The following CMYA5 variants were observed in gnomAD, a reference collection of about 807,000 sequenced individuals.
The protein encoded by CMYA5 is cardiomyopathy associated 5.
A neutral mutation model predicts 318.9 loss-of-function variants in CMYA5; 246 were observed. The observed-to-expected ratio is 0.77, with a 90% confidence interval of 0.70 to 0.86. The LOEUF is 0.86. Among genes scored for constraint, CMYA5 ranks in the 40% least tolerant of loss-of-function variants. The probability of loss-of-function intolerance (pLI) is 0.00; values close to 1 mark genes in which losing one functional copy is unlikely to be tolerated. For synonymous variants in CMYA5, 1,641 were observed against 1,729.5 expected, an observed-to-expected ratio of 0.95 and a Z score of 1.27; for missense variants, 4,589 against 4,678.2, an observed-to-expected ratio of 0.98 and a Z score of 0.56.
chr5:79,756,633 C>T (rs1828535809), intron 6 of CMYA5, among the ~76,000 whole-genome samples: 1 of 152,132 alleles, frequency 6.6e-6, no homozygotes, highest in Non-Finnish European at 1.5e-5. Flanking sequence ...TTCTGCTTCT[C>T]GTTTTTCACA....
At position 79,734,891 on chromosome 5, in the gene CMYA5, A is replaced by G; in HGVS notation, c.6126A>G (p.Leu2042=). The change falls in exon 2 of 13, where the codon CTA becomes CTG. Residue 2042 remains leucine, a synonymous_variant. Coordinates refer to ENST00000446378, the MANE Select transcript of CMYA5 (RefSeq NM_153610.5). ...SKEDSQEKIK[L]PPERFFQKPV... is the part of the protein sequence containing the mutation. Reference sequence around the variant, plus strand: ...AAGATAGCCAGGAAAAAATTAAACTACCTCCTGAAAGATTCTTCCAGAAAC... The same window carrying G: ...AAGATAGCCAGGAAAAAATTAAACTGCCTCCTGAAAGATTCTTCCAGAAAC... The G allele has an allele frequency of 6.2e-7, 1 of 1,613,714 alleles. No individual in the cohort carries two copies. Among genetic ancestry groups the G allele is most frequent in the Non-Finnish European group, 8.5e-7 (1 of 1,179,770 alleles).
intron 12 of CMYA5, among the ~76,000 whole-genome samples, chr5:79,794,347 C>A (rs1829237264): frequency 6.6e-6 from 1 of 152,130 alleles, no homozygotes; most frequent in Non-Finnish European, 1.5e-5. Context: ...TCTATATTAC[C>A]TGTATTGTTT....
chr5:79,776,395 C>G (rs534405433), intron 9 of CMYA5, among the ~76,000 whole-genome samples: 22 of 152,126 alleles, frequency 1.4e-4, no homozygotes, highest in Non-Finnish European at 2.5e-4. Flanking sequence ...TCCATATTGA[C>G]AGTTAGTTAA....
chr5:79,735,403 C>G lies in CMYA5; in HGVS notation c.6638C>G (p.Ala2213Gly). The G allele has an allele frequency of 6.2e-7, 1 of 1,613,870 alleles. No homozygotes were observed. The highest frequency in any genetic ancestry group is 8.5e-7 in the Non-Finnish European group (1 of 1,179,790). ...ETQPSPSVEK[A>G]VTVIDPEGTI... ...CAGCCAAGTCCATCCGTAGAAAAAG[C>G]AGTGACTGTGATAGATCCTGAAGGT... The change falls in exon 2 of 13, where the codon GCA becomes GGA. Residue 2213 changes from alanine to glycine, a missense_variant. This residue lies in a region of CMYA5 where 2,431 missense variants were observed against 2,495.1 expected (regional missense o/e 0.97). Coordinates refer to ENST00000446378, the MANE Select transcript of CMYA5 (RefSeq NM_153610.5).
At position 79,708,951 on chromosome 5, in the gene CMYA5, T is replaced by A. The variant is rs561981266; in HGVS notation, c.149+18895T>A. The stretch of plus-strand genomic sequence containing the variant: ...AGCAAGACCCTGTCTCAATTTTTTT[T>A]AAATTTAATTTAATTTAGTTTTTTA... On this transcript the variant is annotated intron_variant, in intron 1 of 12. Coordinates refer to ENST00000446378, the MANE Select transcript of CMYA5 (RefSeq NM_153610.5). 1.1e-4 allele frequency among the ~76,000 whole-genome samples: 17 copies of A among 152,312 alleles called. No individual in the cohort carries two copies. The East Asian group carries it at 1.2e-3, about 10-fold the overall frequency.
rs371922369 is a variant in CMYA5, at chr5:79,729,172, A to T, written c.407A>T (p.His136Leu). ...DEVKKVRKRTHKSKHGSPSLR... is the reference protein window; with the variant it reads ...DEVKKVRKRTLKSKHGSPSLR... ...GTGAAAAAGGTTCGGAAAAGGACTC[A>T]TAAGTCAAAGCATGGTTCACCATCA... The change falls in exon 2 of 13, where the codon CAT becomes CTT. Residue 136 changes from histidine to leucine, a missense_variant. By Grantham distance (99) the His-to-Leu change is moderately conservative. Transcript: ENST00000446378. The T allele has an allele frequency of 8.7e-6, 14 of 1,612,742 alleles. No homozygotes were observed. The African/African-American group carries it at 1.7e-4, about 20-fold the overall frequency.
Position 79,737,295 on chromosome 5 carries a change from GA to G in CMYA5, c.8533del (p.Arg2845GlyfsTer37). ...KEMPRSELTP[E>X]RHTVHTIQTS... is the part of the protein sequence containing the mutation. Reference sequence around the variant, plus strand: ...AATGCCACGATCAGAATTGACTCCAGAAAGGCATACAGTTCATACTATTCAG... The same window carrying G: ...AATGCCACGATCAGAATTGACTCCAGAAGGCATACAGTTCATACTATTCAG... On this transcript the variant is annotated frameshift_variant, in exon 2 of 13. Coordinates refer to ENST00000446378, the MANE Select transcript of CMYA5 (RefSeq NM_153610.5). LOFTEE classifies it high-confidence loss of function. 6.2e-7 allele frequency: 1 copy of G among 1,613,804 alleles called. No homozygotes were observed. The highest frequency in any genetic ancestry group is 8.5e-7 in the Non-Finnish European group (1 of 1,179,792).
At position 79,733,767 on chromosome 5, in the gene CMYA5, G is replaced by T. The variant is rs760310282; in HGVS notation, c.5002G>T (p.Val1668Phe). 3.7e-6 allele frequency: 6 copies of T among 1,613,416 alleles called. No individual in the cohort carries two copies. Among genetic ancestry groups the T allele is most frequent in the Non-Finnish European group, 8.5e-7 (1 of 1,179,726 alleles). Reference protein sequence around the residue: ...KSPITETEDSVLEKGPAELRS... With the variant: ...KSPITETEDSFLEKGPAELRS... ...TCCCATAACTGAAACAGAGGATTCT[G>T]TTTTAGAAAAAGGCCCAGCTGAGCT... Residue 1668 changes from valine to phenylalanine, a missense_variant, in exon 2 of 13, where the codon GTT (valine) becomes TTT (phenylalanine). Val to Phe is a conservative substitution (Grantham distance 50, BLOSUM62 -1). Coordinates refer to ENST00000446378, the MANE Select transcript of CMYA5 (RefSeq NM_153610.5).
Position 79,793,550 on chromosome 5 carries a change from A to G in CMYA5, c.11903A>G (p.Gln3968Arg). 1.9e-6 allele frequency: 3 copies of G among 1,613,840 alleles called. No individual in the cohort carries two copies. Among genetic ancestry groups the G allele is most frequent in the Non-Finnish European group, 1.7e-6 (2 of 1,179,786 alleles). Residue 3968 changes from glutamine to arginine, a missense_variant, in exon 12 of 13, where the codon CAG becomes CGG. This residue lies in a region of CMYA5 where 2,431 missense variants were observed against 2,495.1 expected (regional missense o/e 0.97). Coordinates refer to ENST00000446378, the MANE Select transcript of CMYA5 (RefSeq NM_153610.5). ...RLGICSSSAV[Q>R]AGALGQGETS... is the part of the protein sequence containing the mutation. ...GGCATCTGCTCCAGCTCGGCTGTGC[A>G]GGCAGGTGCCCTAGGACAAGGGGAG...
In CMYA5 at chr5:79,738,424, A is replaced by G; in HGVS notation, c.9659A>G (p.Glu3220Gly). ...TCTGAAGGTGACAGTGTGAATTCTG[A>G]GGCATCATTTCCCAGCAGAAATTCT... The part of the protein sequence containing the change: ...TASEGDSVNS[E>G]ASFPSRNSDT... The change falls in exon 2 of 13, where the codon GAG becomes GGG. Residue 3220 changes from glutamate (E) to glycine (G), a missense_variant. Glu to Gly is a moderately conservative substitution (Grantham distance 98, BLOSUM62 -2). Transcript: ENST00000446378. The G allele has an allele frequency of 6.2e-7, 1 of 1,613,746 alleles. No homozygotes were observed. The highest frequency in any genetic ancestry group is 8.5e-7 in the Non-Finnish European group (1 of 1,179,842).
intron 9 of CMYA5, 34 bp downstream of exon 9, chr5:79,763,243 G>T: frequency 6.5e-7 from 1 of 1,545,092 alleles, no homozygotes. Flanking sequence ...AGACTGCCCA[G>T]AGCCCAGTAA....
intron 1 of CMYA5, among the ~76,000 whole-genome samples, chr5:79,715,684 G>A (rs1403444947): frequency 2.6e-5 from 4 of 152,178 alleles, no homozygotes; most frequent in African/African-American, 7.2e-5. Context: ...TTAGCAGATG[G>A]TAACAGAAGC....
chr5:79,756,218 C>T (rs142289775), intron 6 of CMYA5, among the ~76,000 whole-genome samples: 3 of 150,872 alleles, frequency 2.0e-5, no homozygotes, highest in African/African-American at 7.3e-5. Context: ...GTCTCTGACC[C>T]GTGATCAGTT....
At chr5:79,775,530 GGA>G (rs1828923214) in intron 9 of CMYA5, among the ~76,000 whole-genome samples, 1 of 152,094 alleles carries the variant, frequency 6.6e-6, no homozygotes, top group Non-Finnish European at 1.5e-5. Flanking sequence ...AGAGAAAACA[GGA>G]GAGAGGGGGA....
In CMYA5 at chr5:79,761,956, A is replaced by G; in HGVS notation, c.11406A>G (p.Thr3802=). ...SLPSERAIFR[T]APSTPVIRAE... ...CCAGTGAAAGGGCCATCTTTAGGACAGGTAAGGAGATGGATGCTAAGGGTG... is the reference window on the plus strand; with the variant it reads ...CCAGTGAAAGGGCCATCTTTAGGACGGGTAAGGAGATGGATGCTAAGGGTG... The change falls in exon 8 of 13, where the codon ACA becomes ACG. Residue 3802 remains threonine (T), a splice_region_variant and synonymous_variant. Coordinates refer to ENST00000446378, the MANE Select transcript of CMYA5 (RefSeq NM_153610.5). 1 of 1,611,522 alleles carries G rather than the reference A, an allele frequency of 6.2e-7. No homozygotes were observed.
intron 9 of CMYA5, among the ~76,000 whole-genome samples, chr5:79,777,001 G>C (rs1828950494): frequency 6.6e-6 from 1 of 152,008 alleles, no homozygotes; most frequent in Non-Finnish European, 1.5e-5. Context: ...GTTACCTTAA[G>C]CACATACATA....
intron 1 of CMYA5, among the ~76,000 whole-genome samples, chr5:79,708,432 T>A (rs1827316484): frequency 6.6e-6 from 1 of 152,036 alleles, no homozygotes. Context: ...TCATCCTGGC[T>A]AACACAGTGA....
Position 79,731,549 on chromosome 5 carries a change from A to T in CMYA5, c.2784A>T (p.Ala928=). The T allele has an allele frequency of 6.2e-7, 1 of 1,607,914 alleles. No homozygotes were observed. The highest frequency in any genetic ancestry group is 2.2e-5 in the East Asian group (1 of 44,880). Residue 928 remains alanine (A), a synonymous_variant, in exon 2 of 13, where the codon GCA becomes GCT. Coordinates refer to ENST00000446378, the MANE Select transcript of CMYA5 (RefSeq NM_153610.5). ...IVHRSLNLKG[A]SSPMNLSEED... Reference sequence around the variant, plus strand: ...ATAGATCTCTAAATCTAAAAGGTGCATCCTCACCCATGAATTTATCAGAAG... The same window carrying T: ...ATAGATCTCTAAATCTAAAAGGTGCTTCCTCACCCATGAATTTATCAGAAG...
At chr5:79,758,566 AT>A (rs1428248095) in intron 6 of CMYA5, among the ~76,000 whole-genome samples, 186 bp from the exon 7 acceptor site, 1 of 151,800 alleles carries the variant, frequency 6.6e-6, no homozygotes, top group African/African-American at 2.4e-5. Flanking sequence ...TAAAGTTAAA[AT>A]TAAAATAAAA....
Sources: allele counts gnomAD v4.1 joint callset (sites outside exome capture counted in the v4.1 genomes callset), GRCh38; gene constraint gnomAD v4.1.1; regional missense constraint gnomAD v4.1.1; transcripts MANE v1.5; gene names NCBI Gene and HGNC (gene_info 2026-07-23, HGNC 2026-07-21).